The following RPAP1 variants were observed in gnomAD, a reference collection of about 807,000 sequenced individuals.
RPAP1 encodes RNA polymerase II-associated protein 1.
A neutral mutation model predicts 142.4 loss-of-function variants in RPAP1; 109 were observed. The observed-to-expected ratio is 0.77, with a 90% CI of 0.66 to 0.90. The LOEUF (loss-of-function observed/expected upper bound fraction) is 0.90. Ranked by LOEUF, RPAP1 falls within the 40% of genes least tolerant of loss-of-function variation. The probability of loss-of-function intolerance (pLI) is 0.00; values close to 1 mark genes in which losing one functional copy is unlikely to be tolerated. For missense variants in RPAP1, 1,546 were observed against 1,751.7 expected (o/e 0.88, Z 2.10); for synonymous variants, 704 against 738.9 (o/e 0.95, Z 0.77).
chr15:41,524,950 T>C (rs1473242557), intron 15 of RPAP1, 41 bp downstream of exon 15: 4 of 1,603,274 alleles, frequency 2.5e-6, no homozygotes, highest in South Asian at 1.1e-5. Flanking sequence ...AGAGCAGAAC[T>C]GAAGGTGTCT....
rs2051815724 is a variant in RPAP1 at position 41,528,267 on chromosome 15, C to T, written c.1228G>A (p.Ala410Thr). The T allele has an allele frequency of 6.2e-7, 1 of 1,608,878 alleles. No individual in the cohort carries two copies. The highest frequency in any genetic ancestry group is 8.5e-7 in the Non-Finnish European group (1 of 1,177,566). The change falls in exon 10 of 25, where the codon GCA becomes ACA. Residue 410 changes from alanine to threonine, a missense_variant. This residue lies in a region of RPAP1 where 1,333 missense variants were observed against 1,486.6 expected (regional missense o/e 0.90). Coordinates refer to ENST00000304330, the MANE Select transcript of RPAP1 (RefSeq NM_015540.4). The part of the protein sequence containing the change: ...RSQVSQQRAL[A>T]LHVLAQVISR... Reference sequence around the variant, plus strand: ...ATGACCTGGGCTAACACATGCAGTGCCAGTGCTCTCTGCTGGGAAACCTGG... The same window carrying T: ...ATGACCTGGGCTAACACATGCAGTGTCAGTGCTCTCTGCTGGGAAACCTGG...
Position 41,517,498 on chromosome 15 carries a change from G to A in RPAP1, c.*44C>T. 6.7e-7 allele frequency: 1 copy of A among 1,487,720 alleles called. No individual in the cohort carries two copies. Among genetic ancestry groups the A allele is most frequent in the East Asian group, 2.3e-5 (1 of 43,820 alleles). 92.2% of individuals were successfully genotyped at this position (1,487,720 alleles called of 1,614,324 possible). A position where few individuals can be genotyped will look rare whatever the true frequency, so the allele number is the denominator to read the frequency against. ...CTGGCCAGACATCTGTTGAAAGGCT[G>A]GATACAGGACAACGTACCCATCTTT... On this transcript the variant is annotated 3_prime_UTR_variant, in exon 25 of 25. Transcript: ENST00000304330.
At chr15:41,539,268 A>G (rs1013995265) in intron 1 of RPAP1, among the ~76,000 whole-genome samples, 4 of 150,396 alleles carry the variant, frequency 2.7e-5, no homozygotes, top group African/African-American at 9.8e-5. Context: ...CACCACACTC[A>G]GCTAATTTTT....
intron 18 of RPAP1, 87 bp downstream of exon 18, chr15:41,523,158 T>A: frequency 1.9e-6 from 2 of 1,072,672 alleles, no homozygotes; most frequent in Non-Finnish European, 2.7e-6. Flanking sequence ...CACCCTGGGA[T>A]GGACCTGGGA....
intron 17 of RPAP1, 40 bp from the exon 18 acceptor site, chr15:41,523,394 A>G (rs571900369): frequency 1.5e-6 from 2 of 1,325,446 alleles, no homozygotes; most frequent in East Asian, 4.6e-5. Context: ...TGGCCCAGCC[A>G]TTCATTCTCC....
At chr15:41,529,079 G>A (rs1037985663) in intron 9 of RPAP1, among the ~76,000 whole-genome samples, 1 of 152,224 alleles carries the variant, frequency 6.6e-6, no homozygotes, top group Non-Finnish European at 1.5e-5. Context: ...TGCCACGCCT[G>A]TAATCCCAGC....
intron 1 of RPAP1, among the ~76,000 whole-genome samples, chr15:41,543,246 G>A (rs906000759): frequency 2.3e-5 from 2 of 88,808 alleles, no homozygotes; most frequent in Non-Finnish European, 4.0e-5. Flanking sequence ...TCTCCCTCTT[G>A]TTGCCCAGGC....
intron 6 of RPAP1, among the ~76,000 whole-genome samples, chr15:41,533,920 G>C (rs547984271): frequency 2.0e-5 from 3 of 151,594 alleles, no homozygotes; most frequent in African/African-American, 7.3e-5. Flanking sequence ...TCAGGAGTTC[G>C]ACACCAGCCT....
chr15:41,527,487 T>C lies in RPAP1; in HGVS notation c.1547A>G (p.Lys516Arg). Residue 516 changes from lysine to arginine, a missense_variant, in exon 12 of 25, where the codon AAA (lysine) becomes AGA (arginine). Lys to Arg is a conservative substitution (Grantham distance 26). This residue lies in a region of RPAP1 where 1,333 missense variants were observed against 1,486.6 expected (regional missense o/e 0.90). Coordinates refer to ENST00000304330, the MANE Select transcript of RPAP1 (RefSeq NM_015540.4). ...EDEECPAGKA[K>R]RKSPEEESRP... ...GCTTTCTTCTTCAGGGCTTTTCCTT[T>C]TTGCTTTTCCTGCTGGGCATTCTTC... 6.2e-7 allele frequency: 1 copy of C among 1,614,194 alleles called. No individual in the cohort carries two copies. The highest frequency in any genetic ancestry group is 8.5e-7 in the Non-Finnish European group (1 of 1,180,042).
rs767880595 is a variant in RPAP1, at chr15:41,527,209, C to T, written c.1704G>A (p.Val568=). Residue 568 remains valine (V), a synonymous_variant, in exon 13 of 25, where the codon GTG becomes GTA. Coordinates refer to ENST00000304330, the MANE Select transcript of RPAP1 (RefSeq NM_015540.4). ...GPAVVLDILA[V]LIRLARHSLE... is the part of the protein sequence containing the mutation. ...GGGAATGCCGGGCCAGGCGGATGAG[C>T]ACAGCCAGGATGTCAAGGACCACCG... The T allele has an allele frequency of 1.2e-6, 2 of 1,614,052 alleles. No individual in the cohort carries two copies. Among genetic ancestry groups the T allele is most frequent in the African/African-American group, 2.7e-5 (2 of 74,896 alleles).
At chr15:41,540,077 A>G (rs1046644303) in intron 1 of RPAP1, among the ~76,000 whole-genome samples, 1 of 152,130 alleles carries the variant, frequency 6.6e-6, no homozygotes, top group African/African-American at 2.4e-5. Flanking sequence ...TCTGTGGTAT[A>G]TAAACTATAA....
At chr15:41,537,831 C>T (rs950676655) in intron 1 of RPAP1, among the ~76,000 whole-genome samples, 3 of 145,958 alleles carry the variant, frequency 2.1e-5, no homozygotes, top group Admixed American at 7.1e-5. Flanking sequence ...TGCTGTGAGC[C>T]GAGATTGCAC....
intron 1 of RPAP1, 24 bp from the exon 2 acceptor site, chr15:41,537,225 C>T (rs896061258): frequency 8.7e-6 from 10 of 1,151,670 alleles, no homozygotes; most frequent in African/African-American, 1.6e-5. Flanking sequence ...AGAATATGGG[C>T]CCTCTGCAAC....
At chr15:41,540,751 T>G (rs1326095660) in intron 1 of RPAP1, among the ~76,000 whole-genome samples, 4 of 152,214 alleles carry the variant, frequency 2.6e-5, no homozygotes, top group Non-Finnish European at 5.9e-5. Flanking sequence ...TACTGCCTAC[T>G]GCTGTGTGGT....
chr15:41,532,854 C>A (rs1284618034), intron 6 of RPAP1, among the ~76,000 whole-genome samples: 3 of 151,822 alleles, frequency 2.0e-5, no homozygotes, highest in African/African-American at 7.3e-5. Context: ...TGGTGCACAT[C>A]TGTAATCCCA....
In RPAP1 at chr15:41,526,924, C is replaced by T. The variant is rs145467106; in HGVS notation, c.1891G>A (p.Ala631Thr). The T allele has an allele frequency of 1.2e-6, 2 of 1,613,542 alleles. No individual in the cohort carries two copies. Among genetic ancestry groups the T allele is most frequent in the African/African-American group, 2.7e-5 (2 of 74,926 alleles). Reference sequence around the variant, plus strand: ...AGCCGGGCAGCAATATTCCTCCCAGCTGAGGCCAGGACACGAAGTAGTTTC... The same window carrying T: ...AGCCGGGCAGCAATATTCCTCCCAGTTGAGGCCAGGACACGAAGTAGTTTC... ...AMKLLRVLASAGRNIAARLLS... is the reference protein window; with the variant it reads ...AMKLLRVLASTGRNIAARLLS... The change falls in exon 14 of 25, where the codon GCT (alanine) becomes ACT (threonine). Residue 631 changes from alanine (A) to threonine (T), a missense_variant. Physicochemically the swap from Ala to Thr is moderately conservative, Grantham distance 58 (BLOSUM62 0). This residue lies in a region of RPAP1 where 1,333 missense variants were observed against 1,486.6 expected (regional missense o/e 0.90). Transcript: ENST00000304330.
chr15:41,517,961 A>C, intron 23 of RPAP1, 45 bp downstream of exon 23: 1 of 1,612,880 alleles, frequency 6.2e-7, no homozygotes, highest in Non-Finnish European at 8.5e-7. Flanking sequence ...AGGCAGCTCA[A>C]TTGCTAGCTC....
chr15:41,521,831 A>G lies in RPAP1; in HGVS notation c.2945T>C (p.Met982Thr). 6.2e-7 allele frequency: 1 copy of G among 1,614,202 alleles called. No individual in the cohort carries two copies. Among genetic ancestry groups the G allele is most frequent in the Non-Finnish European group, 8.5e-7 (1 of 1,180,026 alleles). The change falls in exon 21 of 25, where the codon ATG (methionine) becomes ACG (threonine). Residue 982 changes from methionine to threonine, a missense_variant. Physicochemically the swap from Met to Thr is moderately conservative, Grantham distance 81 (BLOSUM62 -1). Around this residue, in one of 3 missense-constraint regions of RPAP1, gnomAD observed 1,333 missense variants for 1,486.6 expected, o/e 0.90. Coordinates refer to ENST00000304330, the MANE Select transcript of RPAP1 (RefSeq NM_015540.4). ...CAGCCGGCTCAGCAGGGCCAAGGCC[A>G]TACCATGATAGAGGGCAGCATGGGT... ...PATHAALYHGMALALLSRLLP... is the reference protein window; with the variant it reads ...PATHAALYHGTALALLSRLLP...
rs2051711432 is a variant in RPAP1, at chr15:41,520,374, C to A, written c.3795+17G>T. 2.5e-6 allele frequency: 4 copies of A among 1,612,940 alleles called. No homozygotes were observed. In the East Asian group the frequency reaches 8.9e-5, roughly 36 times the overall value. On this transcript the variant is annotated intron_variant, in intron 22 of 24. Coordinates refer to ENST00000304330, the MANE Select transcript of RPAP1 (RefSeq NM_015540.4). ...GTGCAGGGTACCCTTGCAGGTCCTG[C>A]TGGGCTGAGAAAGTACCTGGGTCAG...
Sources: gnomAD v4.1 joint callset for allele counts (sites outside exome capture counted in the v4.1 genomes callset) on GRCh38, gnomAD v4.1.1 for gene constraint, gnomAD v4.1.1 regional missense constraint, MANE v1.5 for transcripts, NCBI Gene and HGNC (gene_info 2026-07-23, HGNC 2026-07-21) for gene names.